Variants in ACCSL observed in about 807,000 individuals in gnomAD.
The protein encoded by ACCSL is probable inactive 1-aminocyclopropane-1-carboxylate synthase-like protein 2.
A neutral mutation model predicts 61.7 loss-of-function variants in ACCSL; 55 were observed. That is an observed-to-expected ratio of 0.89 (90% CI 0.72 to 1.12). The LOEUF (loss-of-function observed/expected upper bound fraction) is 1.12. ACCSL is among the 50% of genes most tolerant of loss of function. The pLI, the probability that ACCSL is intolerant of heterozygous loss-of-function variation, is 0.00. For synonymous variants in ACCSL, 258 were observed against 264.3 expected (o/e 0.98, Z 0.23); for missense variants, 632 against 698.0 (o/e 0.91, Z 1.07).
the ACCSL span, among the ~76,000 whole-genome samples, chr11:43,930,822 CAT>C: frequency 2.0e-5 from 3 of 152,182 alleles, no homozygotes; most frequent in Non-Finnish European, 2.9e-5. Context: ...CACACACACA[CAT>C]GCACACACGC....
At chr11:43,943,360 C>T in the ACCSL span, 12 of 1,390,146 alleles carry the variant, frequency 8.6e-6, no homozygotes, top group East Asian at 3.1e-5. This position sits in a 1 kb window ranked among gnomAD's most constrained non-coding sequence, Gnocchi z 4.8. Context: ...CGCCCTGCTC[C>T]CGGGGGACCC....
chr11:43,958,591 C>T, the ACCSL span, among the ~76,000 whole-genome samples: 2 of 152,202 alleles, frequency 1.3e-5, no homozygotes, highest in Non-Finnish European at 2.9e-5. Context: ...TTGACTCTGT[C>T]TAGGCAGCAG....
chr11:44,022,199 C>A, the ACCSL span, among the ~76,000 whole-genome samples: 5 of 152,036 alleles, frequency 3.3e-5, no homozygotes, highest in African/African-American at 1.2e-4. Context: ...TTGTAGACTG[C>A]TTTTGGCAGT....
chr11:44,020,428 GTCTT>G, the ACCSL span, among the ~76,000 whole-genome samples: 38 of 152,202 alleles, frequency 2.5e-4, 1 homozygote, highest in East Asian at 4.4e-3. Context: ...AGAATTTTAA[GTCTT>G]TCACCATTAA....
the ACCSL span, among the ~76,000 whole-genome samples, chr11:44,038,269 G>A: frequency 2.6e-5 from 4 of 152,086 alleles, no homozygotes; most frequent in African/African-American, 9.7e-5. Flanking sequence ...GAGCCAAGCA[G>A]GTATCTGAGG....
chr11:43,993,701 G>T, the ACCSL span, among the ~76,000 whole-genome samples: 1 of 152,098 alleles, frequency 6.6e-6, no homozygotes, highest in Non-Finnish European at 1.5e-5. Flanking sequence ...TCAGCTGCCT[G>T]CCCCCTTCTG....
At chr11:44,006,920 G>A in the ACCSL span, among the ~76,000 whole-genome samples, 8 of 152,202 alleles carry the variant, frequency 5.3e-5, no homozygotes, top group East Asian at 5.8e-4. Flanking sequence ...TCTCCTCCCC[G>A]CGGTTGGACA....
At chr11:43,982,130 G>T in the ACCSL span, among the ~76,000 whole-genome samples, 2 of 151,946 alleles carry the variant, frequency 1.3e-5, no homozygotes, top group Admixed American at 1.3e-4. Flanking sequence ...GCTGTGGAAG[G>T]TGGCCGCGGC....
chr11:44,048,381 G>C lies in ACCSL; in HGVS notation c.345G>C (p.Gly115=). The part of the protein sequence containing the change: ...VRYGQRAQLS[G]QPDPVPQLSD... ...ATGGGCAGAGGGCCCAACTCTCTGG[G>C]CAGCCTGATCCAGTTCCCCAACTGA... Residue 115 remains glycine, a synonymous_variant, in exon 1 of 14, where the codon GGG becomes GGC. Coordinates refer to ENST00000378832, the MANE Select transcript of ACCSL (RefSeq NM_001031854.2). 6.2e-7 allele frequency: 1 copy of C among 1,614,136 alleles called. No homozygotes were observed. The highest frequency in any genetic ancestry group is 8.5e-7 in the Non-Finnish European group (1 of 1,180,030).
At chr11:43,997,280 G>A in the ACCSL span, among the ~76,000 whole-genome samples, 1 of 152,130 alleles carries the variant, frequency 6.6e-6, no homozygotes, top group Non-Finnish European at 1.5e-5. Context: ...ACCGTGAGAT[G>A]CTCTGGCTGG....
At chr11:43,929,599 G>T in the ACCSL span, among the ~76,000 whole-genome samples, 1 of 152,114 alleles carries the variant, frequency 6.6e-6, no homozygotes. Flanking sequence ...TAGAGATGGG[G>T]TTTCGCCATG....
upstream of ACCSL, among the ~76,000 whole-genome samples, chr11:44,047,368 T>C (rs1475414237): frequency 6.6e-6 from 1 of 152,202 alleles, no homozygotes. Context: ...AAAGAAGGGC[T>C]GATGTTCTTC....
chr11:43,997,057 C>A, the ACCSL span, among the ~76,000 whole-genome samples: 30,970 of 151,782 alleles, frequency 0.2, 5,500 homozygotes, highest in African/African-American at 0.47. Flanking sequence ...GTGATCCACC[C>A]GCCTCAGTCT....
chr11:43,924,095 T>C, the ACCSL span, among the ~76,000 whole-genome samples: 1 of 152,318 alleles, frequency 6.6e-6, no homozygotes, highest in South Asian at 2.1e-4. Context: ...AAGGGGAAAG[T>C]GGGGAGGGAG....
At chr11:43,932,402 G>T in the ACCSL span, among the ~76,000 whole-genome samples, 1 of 152,144 alleles carries the variant, frequency 6.6e-6, no homozygotes, top group Non-Finnish European at 1.5e-5. Flanking sequence ...CGAGCAGCTG[G>T]GACCACAGAT....
chr11:43,992,045 T>C, the ACCSL span, among the ~76,000 whole-genome samples: 1 of 121,630 alleles, frequency 8.2e-6, no homozygotes, highest in Non-Finnish European at 1.7e-5. Flanking sequence ...TTTCTTTCTT[T>C]CTTTCTTTCT....
the ACCSL span, among the ~76,000 whole-genome samples, chr11:44,017,495 A>T: frequency 3.9e-5 from 6 of 152,214 alleles, no homozygotes; most frequent in Non-Finnish European, 5.9e-5. Context: ...AGGCAAGAGT[A>T]GCCCCTGGGT....
At chr11:44,046,043 T>A (rs1245149956), upstream of ACCSL, among the ~76,000 whole-genome samples, 3 of 152,158 alleles carry the variant, frequency 2.0e-5, no homozygotes, top group Non-Finnish European at 4.4e-5. Flanking sequence ...ACCAAAGGAA[T>A]CTCACCTGGC....
At chr11:44,034,077 T>G in the ACCSL span, among the ~76,000 whole-genome samples, 1 of 151,876 alleles carries the variant, frequency 6.6e-6, no homozygotes, top group Admixed American at 6.5e-5. Context: ...GCAGCCCCAT[T>G]TGGTTTGCCT....
Sources: allele counts gnomAD v4.1 joint callset (sites outside exome capture counted in the v4.1 genomes callset), GRCh38; gene constraint gnomAD v4.1.1; non-coding constraint Gnocchi (gnomAD v3.1); transcripts MANE v1.5; gene names NCBI Gene and HGNC (gene_info 2026-07-23, HGNC 2026-07-21).